NEK10: variants seen among roughly 807,000 people sequenced by gnomAD.
NEK10 encodes serine/threonine-protein kinase Nek10.
Under a neutral mutation model 159.8 loss-of-function variants are expected in NEK10, and 122 were observed. The observed-to-expected ratio is 0.76, with a 90% CI of 0.66 to 0.89. The LOEUF (loss-of-function observed/expected upper bound fraction) is 0.89, where lower values mean the gene tolerates loss of function less well. Among genes scored for constraint, NEK10 ranks in the 40% least tolerant of loss-of-function variants. The probability of loss-of-function intolerance (pLI) is 0.00; values close to 1 mark genes in which losing one functional copy is unlikely to be tolerated. For missense variants in NEK10, 1,342 were observed against 1,323.1 expected (o/e 1.01, Z -0.22); for synonymous variants, 466 against 457.1 (o/e 1.02, Z -0.25).
chr3:27,186,601 G>A (rs1041995258), intron 26 of NEK10, among the ~76,000 whole-genome samples: 11 of 152,142 alleles, frequency 7.2e-5, no homozygotes, highest in Admixed American at 2.6e-4. Flanking sequence ...AGAAAAGACC[G>A]GGAGCTTTGA....
At chr3:27,334,701 C>T (rs2046673141) in intron 5 of NEK10, among the ~76,000 whole-genome samples, 1 of 152,074 alleles carries the variant, frequency 6.6e-6, no homozygotes, top group Admixed American at 6.5e-5. Flanking sequence ...ACCAAAGTAC[C>T]CTACCCAACC....
intron 22 of NEK10, among the ~76,000 whole-genome samples, chr3:27,268,464 T>G (rs1051117535): frequency 6.6e-6 from 1 of 152,176 alleles, no homozygotes; most frequent in Non-Finnish European, 1.5e-5. Flanking sequence ...AGCCAATGCT[T>G]ATTGACCATT....
At chr3:27,330,758 G>A (rs974550703) in intron 5 of NEK10, among the ~76,000 whole-genome samples, 3 of 152,028 alleles carry the variant, frequency 2.0e-5, no homozygotes, top group African/African-American at 7.2e-5. Context: ...GGACTACCAC[G>A]GTCAAAGGAT....
chr3:27,281,376 C>G (rs796432395), intron 22 of NEK10, among the ~76,000 whole-genome samples: 35 of 151,948 alleles, frequency 2.3e-4, no homozygotes, highest in African/African-American at 8.4e-4. Flanking sequence ...TTTAAAGACC[C>G]ATCCAAAGCA....
chr3:27,225,166 T>C (rs1952499102), intron 23 of NEK10, among the ~76,000 whole-genome samples: 1 of 152,180 alleles, frequency 6.6e-6, no homozygotes, highest in South Asian at 2.1e-4. Context: ...GCATCCAGCA[T>C]GGGAGAAAGA....
intron 8 of NEK10, 127 bp downstream of exon 8, chr3:27,311,972 T>C (rs1467414100): frequency 1.2e-5 from 8 of 691,746 alleles, no homozygotes; most frequent in Middle Eastern, 2.3e-4. Flanking sequence ...GCCTGGATGC[T>C]CAACACCTGA....
intron 22 of NEK10, among the ~76,000 whole-genome samples, chr3:27,282,855 A>G (rs1233613929): frequency 3.3e-5 from 5 of 151,426 alleles, no homozygotes; most frequent in Non-Finnish European, 7.4e-5. Flanking sequence ...AAAAATTTTC[A>G]GGAAATATAA....
At chr3:27,185,177 C>T (rs1166286969) in intron 26 of NEK10, among the ~76,000 whole-genome samples, 1 of 152,088 alleles carries the variant, frequency 6.6e-6, no homozygotes, top group Non-Finnish European at 1.5e-5. Flanking sequence ...ATTGCTCTAC[C>T]AGCCTGCTCC....
chr3:27,138,203 G>A (rs999888950), intron 31 of NEK10, among the ~76,000 whole-genome samples: 1 of 152,150 alleles, frequency 6.6e-6, no homozygotes, highest in Non-Finnish European at 1.5e-5. Flanking sequence ...TCGCTCCCCA[G>A]AGAATTCCAT....
intron 7 of NEK10, 92 bp from the exon 8 acceptor site, chr3:27,312,269 G>GT (rs765742185): frequency 9.4e-6 from 6 of 637,378 alleles, no homozygotes; most frequent in Non-Finnish European, 1.6e-5. Flanking sequence ...AAAATAAACT[G>GT]TAGGTGGCAA....
At chr3:27,233,942 C>A (rs1322771182) in intron 23 of NEK10, among the ~76,000 whole-genome samples, 1 of 152,018 alleles carries the variant, frequency 6.6e-6, no homozygotes, top group Non-Finnish European at 1.5e-5. Context: ...GGCTTCATTC[C>A]TGGAATGCAA....
intron 22 of NEK10, among the ~76,000 whole-genome samples, chr3:27,261,020 T>C (rs1174586771): frequency 1.3e-5 from 2 of 152,214 alleles, no homozygotes; most frequent in African/African-American, 4.8e-5. Context: ...GAGGTGTTTA[T>C]AGTATTCTCT....
intron 25 of NEK10, chr3:27,194,069 C>T (rs955135888): frequency 6.6e-6 from 1 of 151,884 alleles, no homozygotes; most frequent in African/African-American, 2.4e-5. Flanking sequence ...ACCAGAAGTT[C>T]CAGGATAGTC....
intron 28 of NEK10, 52 bp from the exon 29 acceptor site, chr3:27,171,925 T>C (rs2017568): frequency 6.4e-7 from 1 of 1,559,126 alleles, no homozygotes; most frequent in South Asian, 1.2e-5. Flanking sequence ...GCAAATCTTT[T>C]ATTTTTTATG....
chr3:27,149,601 T>C (rs536670005), intron 30 of NEK10, among the ~76,000 whole-genome samples: 31 of 152,134 alleles, frequency 2.0e-4, no homozygotes, highest in Non-Finnish European at 3.7e-4. Flanking sequence ...TATAAGATAG[T>C]AAACTTAATG....
chr3:27,180,530 CAAT>C (rs1947978825), intron 26 of NEK10, among the ~76,000 whole-genome samples: 1 of 151,908 alleles, frequency 6.6e-6, no homozygotes, highest in African/African-American at 2.4e-5. Context: ...CTCAAAAAAA[CAAT>C]GTCATTGAAA....
chr3:27,260,016 T>C (rs552877634), intron 22 of NEK10, among the ~76,000 whole-genome samples: 5 of 152,344 alleles, frequency 3.3e-5, no homozygotes, highest in Admixed American at 6.5e-5. Flanking sequence ...TTTGGCTCTA[T>C]GTTTTTCTGT....
At chr3:27,118,248 T>C (rs1399288922) in intron 33 of NEK10, among the ~76,000 whole-genome samples, 2 of 152,208 alleles carry the variant, frequency 1.3e-5, no homozygotes, top group Non-Finnish European at 2.9e-5. Flanking sequence ...AGTCAGGTAA[T>C]GTGATGCCTC....
At chr3:27,179,576 A>G (rs1031724633) in intron 26 of NEK10, among the ~76,000 whole-genome samples, 1 of 152,226 alleles carries the variant, frequency 6.6e-6, no homozygotes, top group Non-Finnish European at 1.5e-5. Context: ...AGAAGGAATA[A>G]TACTAACAAA....
Sources: gnomAD v4.1 joint callset for allele counts (sites outside exome capture counted in the v4.1 genomes callset) on GRCh38, gnomAD v4.1.1 for gene constraint, MANE v1.5 for transcripts, NCBI Gene and HGNC (gene_info 2026-07-23, HGNC 2026-07-21) for gene names.